The following TSPAN15 variants were observed in gnomAD, a reference collection of about 807,000 sequenced individuals.
The protein encoded by TSPAN15 is tetraspanin 15.
In TSPAN15, 20 loss-of-function variants were observed where a neutral mutation model predicts 34.5. The observed-to-expected ratio is 0.58, with a 90% CI of 0.41 to 0.84. The LOEUF (loss-of-function observed/expected upper bound fraction) is 0.84. Ranked by LOEUF, TSPAN15 falls within the 40% of genes least tolerant of loss-of-function variation. The pLI is 0.00. For missense variants in TSPAN15, 313 were observed against 386.1 expected, an observed-to-expected ratio of 0.81 and a Z score of 1.59; for synonymous variants, 155 against 153.9, an observed-to-expected ratio of 1.01 and a Z score of -0.05.
the TSPAN15 span, among the ~76,000 whole-genome samples, chr10:69,541,629 T>C: frequency 6.6e-6 from 1 of 152,266 alleles, no homozygotes; most frequent in Non-Finnish European, 1.5e-5. Context: ...GCTCCGCCCC[T>C]GCAGCAGACT....
chr10:69,530,196 T>C, the TSPAN15 span, among the ~76,000 whole-genome samples: 1 of 147,608 alleles, frequency 6.8e-6, no homozygotes, highest in Non-Finnish European at 1.5e-5. Context: ...TTCCTATGCC[T>C]CAGGTCTGGA....
chr10:69,463,681 A>G (rs1433647022), intron 1 of TSPAN15, among the ~76,000 whole-genome samples: 1 of 152,090 alleles, frequency 6.6e-6, no homozygotes, highest in Non-Finnish European at 1.5e-5. Flanking sequence ...ATAGTGGCAC[A>G]TGCCTATAAT....
At chr10:69,508,314 G>A (rs1842377332), downstream of TSPAN15, among the ~76,000 whole-genome samples, 1 of 151,636 alleles carries the variant, frequency 6.6e-6, no homozygotes, top group Non-Finnish European at 1.5e-5. Flanking sequence ...GGTGGTGCGC[G>A]CCTGTAGTTC....
intron 1 of TSPAN15, among the ~76,000 whole-genome samples, chr10:69,477,913 A>G (rs900312868): frequency 1.3e-5 from 2 of 152,148 alleles, no homozygotes; most frequent in African/African-American, 4.8e-5. Context: ...GGGAGATGAG[A>G]TGATGCAGGT....
chr10:69,545,722 G>A, the TSPAN15 span, among the ~76,000 whole-genome samples: 13 of 152,194 alleles, frequency 8.5e-5, no homozygotes, highest in South Asian at 2.1e-4. Flanking sequence ...TTTGGGAGGC[G>A]GAGGCAGGCG....
chr10:69,539,545 G>C, the TSPAN15 span, among the ~76,000 whole-genome samples: 146 of 60,754 alleles, frequency 2.4e-3, 6 homozygotes, highest in African/African-American at 8.5e-3. Flanking sequence ...GAAGGAGAAG[G>C]AGAAGGAGAA....
intron 1 of TSPAN15, among the ~76,000 whole-genome samples, chr10:69,464,144 C>G (rs926773688): frequency 6.6e-6 from 1 of 152,254 alleles, no homozygotes; most frequent in Non-Finnish European, 1.5e-5. Flanking sequence ...CCCCTAGAGC[C>G]TCCGGAGAGA....
At chr10:69,542,994 T>G in the TSPAN15 span, among the ~76,000 whole-genome samples, 61,885 of 152,046 alleles carry the variant, frequency 0.41, 12,821 homozygotes, top group East Asian at 0.48. Context: ...TTTGGATAGT[T>G]GGGGTAGGGG....
intron 1 of TSPAN15, among the ~76,000 whole-genome samples, chr10:69,479,486 C>G (rs1007637422): frequency 2.0e-5 from 3 of 152,254 alleles, no homozygotes; most frequent in Non-Finnish European, 4.4e-5. Flanking sequence ...GCAGCACGCA[C>G]TTTCCCTCTT....
chr10:69,468,350 C>G (rs1224101326), intron 1 of TSPAN15, among the ~76,000 whole-genome samples: 1 of 152,120 alleles, frequency 6.6e-6, no homozygotes, highest in Non-Finnish European at 1.5e-5. Flanking sequence ...AGTCAGTGCA[C>G]TGATGTGTAG....
chr10:69,467,267 C>T (rs1410302227), intron 1 of TSPAN15, among the ~76,000 whole-genome samples: 1 of 152,110 alleles, frequency 6.6e-6, no homozygotes, highest in Non-Finnish European at 1.5e-5. Context: ...CCCATTACAG[C>T]CTGTATTTAG....
the TSPAN15 span, among the ~76,000 whole-genome samples, chr10:69,548,193 A>G: frequency 6.6e-6 from 1 of 152,232 alleles, no homozygotes; most frequent in African/African-American, 2.4e-5. Flanking sequence ...AAATGCCACT[A>G]CAGACAGTGT....
At chr10:69,523,953 A>T in the TSPAN15 span, among the ~76,000 whole-genome samples, 1 of 148,040 alleles carries the variant, frequency 6.8e-6, no homozygotes, top group South Asian at 2.1e-4. Flanking sequence ...TAGAATCAGG[A>T]TTCACTCTGT....
chr10:69,462,028 C>T (rs116609833), intron 1 of TSPAN15, among the ~76,000 whole-genome samples: 1,687 of 151,738 alleles, frequency 0.011, 25 homozygotes, highest in African/African-American at 0.033. Context: ...GCTCTGTCAC[C>T]CAGAGCAAGT....
intron 1 of TSPAN15, among the ~76,000 whole-genome samples, chr10:69,470,891 C>G (rs1006700386): frequency 6.6e-6 from 1 of 152,156 alleles, no homozygotes; most frequent in African/African-American, 2.4e-5. Flanking sequence ...GCAGCCCCGT[C>G]CCCCTTGCTG....
intron 5 of TSPAN15, among the ~76,000 whole-genome samples, chr10:69,503,384 C>T (rs527677095): frequency 1.3e-5 from 2 of 152,324 alleles, no homozygotes; most frequent in Non-Finnish European, 1.5e-5. Flanking sequence ...TGCCCAGCCC[C>T]GTGATAAGCA....
Position 69,507,410 on chromosome 10 carries a change from GAAGAGCTGTC to G in TSPAN15, c.*433_*442del. The stretch of plus-strand genomic sequence containing the variant: ...AGGGCATCTGGGGAAGGGCAGGAGG[GAAGAGCTGTC>G]CATGCAGCCACGCCCATGGCCAGGT... On this transcript the variant is annotated 3_prime_UTR_variant, in exon 8 of 8. Coordinates refer to ENST00000373290, the MANE Select transcript of TSPAN15 (RefSeq NM_012339.5). 1 of 1,250,418 alleles carries G rather than the reference GAAGAGCTGTC, an allele frequency of 8.0e-7. No homozygotes were observed. The allele number at this position is 1,250,418 out of a possible 1,614,324, so 77.5% of individuals were successfully genotyped here.
intron 2 of TSPAN15, among the ~76,000 whole-genome samples, chr10:69,484,287 G>C (rs939494952): frequency 3.3e-5 from 5 of 152,206 alleles, no homozygotes; most frequent in African/African-American, 7.2e-5. Flanking sequence ...AGCCGGGGCT[G>C]CTCCCTTTGC....
At chr10:69,472,952 G>A (rs1158613386) in intron 1 of TSPAN15, among the ~76,000 whole-genome samples, 11 of 152,198 alleles carry the variant, frequency 7.2e-5, no homozygotes, top group African/African-American at 2.7e-4. Context: ...TGAGGGCAAA[G>A]TTGTATGTGT....
Sources: gnomAD v4.1 joint callset for allele counts (sites outside exome capture counted in the v4.1 genomes callset) on GRCh38, gnomAD v4.1.1 for gene constraint, MANE v1.5 for transcripts, NCBI Gene and HGNC (gene_info 2026-07-23, HGNC 2026-07-21) for gene names.